Variants in SYT1 observed in about 807,000 individuals in gnomAD.
SYT1 encodes the protein synaptotagmin 1.
In SYT1, 8 loss-of-function variants were observed where a neutral mutation model predicts 44.8. That is an observed-to-expected ratio of 0.18 (90% CI 0.10 to 0.32). The LOEUF (loss-of-function observed/expected upper bound fraction) is 0.32. SYT1 is among the 10% of genes least tolerant of loss of function. The probability of loss-of-function intolerance (pLI) is 1.00; values close to 1 mark genes in which losing one functional copy is unlikely to be tolerated. For missense variants in SYT1, 286 were observed against 509.3 expected (o/e 0.56, Z 4.22); for synonymous variants, 154 against 188.8 (o/e 0.82, Z 1.51).
chr12:79,333,679 T>C (rs1348055480), intron 8 of SYT1, among the ~76,000 whole-genome samples: 1 of 150,986 alleles, frequency 6.6e-6, no homozygotes, highest in East Asian at 1.9e-4. Flanking sequence ...GTTATTCTAC[T>C]GGCATTAAAC....
chr12:78,998,686 G>C (rs1870535189), intron 2 of SYT1, among the ~76,000 whole-genome samples: 1 of 152,162 alleles, frequency 6.6e-6, no homozygotes, highest in African/African-American at 2.4e-5. Flanking sequence ...GTATTCTCTA[G>C]CTTTGTGATC....
At chr12:79,160,756 A>G (rs1016856310) in intron 3 of SYT1, among the ~76,000 whole-genome samples, 1 of 152,146 alleles carries the variant, frequency 6.6e-6, no homozygotes, top group Non-Finnish European at 1.5e-5. Context: ...TAAATTTGCA[A>G]ATCATCTATT....
chr12:79,174,879 T>C (rs182661946), intron 3 of SYT1, among the ~76,000 whole-genome samples: 1 of 152,050 alleles, frequency 6.6e-6, no homozygotes, highest in East Asian at 1.9e-4. Context: ...GCCAACACAT[T>C]CTAATGTAGT....
At chr12:78,946,426 G>T (rs562137182) in intron 1 of SYT1, among the ~76,000 whole-genome samples, 1 of 152,108 alleles carries the variant, frequency 6.6e-6, no homozygotes, top group Non-Finnish European at 1.5e-5. Flanking sequence ...ATGCCTAGGC[G>T]GGTGGATCAC....
In SYT1 at chr12:79,258,806, GTAAA is replaced by G. The variant is rs375552676; in HGVS notation, c.167-26973_167-26970del. ...TTTTTTATTTCTTCACTGAGTGTGG[GTAAA>G]TAAATAATTTTTTACTTGACTTAAT... is the stretch of plus-strand genomic sequence containing the variant. On this transcript the variant is annotated intron_variant, in intron 4 of 10. Transcript: ENST00000261205. Among the ~76,000 whole-genome samples the G allele has an allele frequency of 1.7e-4, 26 of 152,286 alleles. 1 individual carries two copies. Among genetic ancestry groups the G allele is most frequent in the African/African-American group, 6.3e-4 (26 of 41,564 alleles).
intron 9 of SYT1, among the ~76,000 whole-genome samples, chr12:79,415,296 AT>A (rs1211093213): frequency 2.0e-5 from 3 of 152,182 alleles, no homozygotes; most frequent in African/African-American, 7.2e-5. Context: ...TTTATGTTAT[AT>A]ATAAATATTA....
At chr12:78,917,102 T>C (rs997235950) in intron 1 of SYT1, among the ~76,000 whole-genome samples, 1 of 152,036 alleles carries the variant, frequency 6.6e-6, no homozygotes, top group African/African-American at 2.4e-5. Flanking sequence ...ATTTTTTTTA[T>C]ATTTTGTAGG....
At chr12:79,313,932 G>T (rs1880941396) in intron 8 of SYT1, among the ~76,000 whole-genome samples, 1 of 148,934 alleles carries the variant, frequency 6.7e-6, no homozygotes, top group African/African-American at 2.6e-5. Flanking sequence ...CACTTTGGGA[G>T]GCCGAGGCGG....
At chr12:79,334,056 A>C (rs1383305487) in intron 8 of SYT1, among the ~76,000 whole-genome samples, 1 of 152,116 alleles carries the variant, frequency 6.6e-6, no homozygotes, top group African/African-American at 2.4e-5. Context: ...GAGAAACCCA[A>C]ATGTATCTTA....
At chr12:79,165,278 GTTGA>G (rs1208712663) in intron 3 of SYT1, among the ~76,000 whole-genome samples, 2 of 151,878 alleles carry the variant, frequency 1.3e-5, no homozygotes, top group Non-Finnish European at 2.9e-5. Context: ...AAAAATCTCT[GTTGA>G]TTAATTACAT....
At chr12:79,040,990 T>C (rs1873519980) in intron 2 of SYT1, among the ~76,000 whole-genome samples, 1 of 152,090 alleles carries the variant, frequency 6.6e-6, no homozygotes, top group Admixed American at 6.5e-5. Context: ...TATATCTCTG[T>C]TTTGGTACCA....
At chr12:78,939,468 G>A (rs1878237678) in intron 1 of SYT1, among the ~76,000 whole-genome samples, 1 of 152,172 alleles carries the variant, frequency 6.6e-6, no homozygotes, top group Non-Finnish European at 1.5e-5. Context: ...TAGGACTCTA[G>A]AACATTTAGG....
chr12:78,940,783 C>T (rs1207425839), intron 1 of SYT1, among the ~76,000 whole-genome samples: 1 of 152,038 alleles, frequency 6.6e-6, no homozygotes, highest in African/African-American at 2.4e-5. Context: ...ACATTTTCTT[C>T]CTAAAGAAAA....
chr12:79,078,245 C>T (rs1273796317), intron 3 of SYT1, among the ~76,000 whole-genome samples: 2 of 152,062 alleles, frequency 1.3e-5, no homozygotes, highest in African/African-American at 4.8e-5. Context: ...GGGAGCTGAG[C>T]GTGCCTTCTC....
intron 3 of SYT1, among the ~76,000 whole-genome samples, chr12:79,114,862 A>C (rs1286292915): frequency 1.3e-5 from 2 of 152,192 alleles, no homozygotes; most frequent in African/African-American, 4.8e-5. Context: ...CATTTTTCAC[A>C]TAATCTCAAA....
At chr12:78,876,897 T>A (rs1322531318) in intron 1 of SYT1, among the ~76,000 whole-genome samples, 9 of 11,128 alleles carry the variant, frequency 8.1e-4, no homozygotes, top group Admixed American at 1.1e-3. Flanking sequence ...ATAATATATA[T>A]TATATATTAT....
chr12:78,952,517 G>C (rs1344958578), intron 1 of SYT1, among the ~76,000 whole-genome samples: 1 of 152,070 alleles, frequency 6.6e-6, no homozygotes, highest in East Asian at 1.9e-4. Context: ...GGACTGTCAG[G>C]ATACCATGAC....
intron 4 of SYT1, among the ~76,000 whole-genome samples, chr12:79,234,830 C>T (rs1056703157): frequency 6.6e-6 from 1 of 151,826 alleles, no homozygotes; most frequent in African/African-American, 2.4e-5. Flanking sequence ...CCTGTCTCAG[C>T]CTCCTGAGTA....
At chr12:79,379,103 A>C (rs1449860071) in intron 9 of SYT1, among the ~76,000 whole-genome samples, 1 of 152,138 alleles carries the variant, frequency 6.6e-6, no homozygotes, top group Non-Finnish European at 1.5e-5. Flanking sequence ...TAGTGTTCCT[A>C]TCATGTTTTT....
Sources: allele counts gnomAD v4.1 joint callset (sites outside exome capture counted in the v4.1 genomes callset), GRCh38; gene constraint gnomAD v4.1.1; transcripts MANE v1.5; gene names NCBI Gene and HGNC (gene_info 2026-07-23, HGNC 2026-07-21).